Variants in HLCS observed in about 807,000 individuals in gnomAD.
HLCS encodes the protein biotin--protein ligase.
HLCS carries 53 observed loss-of-function variants against 75.0 expected under a neutral mutation model. The ratio of observed to expected loss-of-function variants is 0.71; its 90% CI spans 0.57 to 0.89. HLCS has a LOEUF of 0.89. Ranked by LOEUF, HLCS falls within the 40% of genes least tolerant of loss-of-function variation. The pLI is 0.00. For synonymous variants in HLCS, 431 were observed against 428.6 expected (o/e 1.01, Z -0.07); for missense variants, 966 against 1,074.0 (o/e 0.90, Z 1.41).
chr21:36,805,724 T>G (rs1287457445), intron 6 of HLCS, among the ~76,000 whole-genome samples: 1 of 152,190 alleles, frequency 6.6e-6, no homozygotes, highest in African/African-American at 2.4e-5. Context: ...ACTTTTACTA[T>G]GACTTAATTC....
chr21:36,981,112 G>A (rs1030176562), intron 1 of HLCS: 11 of 152,438 alleles, frequency 7.2e-5, no homozygotes, highest in African/African-American at 2.2e-4. Context: ...ATAACTGCTT[G>A]TAAAGGTTGT....
rs1201967242 is a variant in HLCS at position 36,819,445 on chromosome 21, C to T, written c.1893-52160G>A. Among the ~76,000 whole-genome samples, 3 of 152,208 alleles carry T rather than the reference C, an allele frequency of 2.0e-5. No individual in the cohort carries two copies. In the East Asian group the frequency reaches 5.8e-4, roughly 29 times the overall value. On this transcript the variant is annotated intron_variant, in intron 6 of 10. Transcript: ENST00000674895. ...ACACTGAAAAAATCTGAAAGTAATACTTCCTCTGACCTTTCGTTTTCACAT... is the reference window on the plus strand; with the variant it reads ...ACACTGAAAAAATCTGAAAGTAATATTTCCTCTGACCTTTCGTTTTCACAT...
Position 36,822,397 on chromosome 21 carries a change from C to T in HLCS, c.1893-55112G>A, listed in dbSNP as rs142296438. On this transcript the variant is annotated intron_variant, in intron 6 of 10. Coordinates refer to ENST00000674895, the MANE Select transcript of HLCS (RefSeq NM_001352514.2). ...ATTGCAGCACTGTGTGACGCAGTGA[C>T]GGAGCCTGGGTGACGGAGCAAGACT... Among the ~76,000 whole-genome samples, 22 of 151,894 alleles carry T rather than the reference C, an allele frequency of 1.4e-4. 1 individual carries two copies. In the East Asian group the frequency reaches 2.7e-3, roughly 19 times the overall value.
At position 36,866,419 on chromosome 21, in the gene HLCS, G is replaced by A. The variant is rs144134629; in HGVS notation, c.1892+30441C>T. 4.6e-5 allele frequency among the ~76,000 whole-genome samples: 7 copies of A among 152,314 alleles called. 1 individual carries two copies. In the East Asian group the frequency reaches 1.3e-3, roughly 29 times the overall value. The stretch of plus-strand genomic sequence containing the variant: ...TTGACGGTCATTACACTTTATGTGA[G>A]GTTAGTGTACAATGTGGCGTAAAAG... On this transcript the variant is annotated intron_variant, in intron 6 of 10. Transcript: ENST00000674895.
At chr21:36,889,646 C>A (rs1355230002) in intron 6 of HLCS, among the ~76,000 whole-genome samples, 2 of 152,160 alleles carry the variant, frequency 1.3e-5, no homozygotes, top group East Asian at 1.9e-4. Context: ...CCATCACCAC[C>A]AATAGCTCAC....
At chr21:36,964,486 A>G (rs1165711410) in intron 1 of HLCS, among the ~76,000 whole-genome samples, 6 of 152,226 alleles carry the variant, frequency 3.9e-5, no homozygotes, top group Non-Finnish European at 7.3e-5. Flanking sequence ...TCATTTCCTA[A>G]TAAGAAAAAG....
At chr21:36,893,476 C>T (rs2064877445) in intron 6 of HLCS, among the ~76,000 whole-genome samples, 1 of 152,184 alleles carries the variant, frequency 6.6e-6, no homozygotes, top group Admixed American at 6.5e-5. Context: ...GTGTTTGACA[C>T]TGTTCCAGTA....
upstream of HLCS, among the ~76,000 whole-genome samples, chr21:36,967,029 T>G (rs2068638387): frequency 1.3e-5 from 2 of 150,162 alleles, no homozygotes; most frequent in African/African-American, 4.9e-5. Flanking sequence ...GGGTATGTTG[T>G]GGATGCGGGG....
At chr21:36,915,954 C>A (rs926548612) in intron 5 of HLCS, among the ~76,000 whole-genome samples, 1 of 152,036 alleles carries the variant, frequency 6.6e-6, no homozygotes, top group Admixed American at 6.6e-5. Flanking sequence ...GGGGAAAAAC[C>A]AAAACACTTT....
At chr21:36,964,557 C>CA (rs1321162930) in intron 1 of HLCS, among the ~76,000 whole-genome samples, 2 of 152,182 alleles carry the variant, frequency 1.3e-5, no homozygotes, top group African/African-American at 4.8e-5. Context: ...ATGGCCATCC[C>CA]ATCTAGTCTG....
intron 2 of HLCS, among the ~76,000 whole-genome samples, chr21:36,944,775 A>G (rs1350143032): frequency 6.6e-6 from 1 of 152,134 alleles, no homozygotes; most frequent in African/African-American, 2.4e-5. Context: ...GGCTCTCCCC[A>G]AGACGTTCTT....
intron 5 of HLCS, among the ~76,000 whole-genome samples, chr21:36,920,406 T>C (rs1221976179): frequency 6.7e-6 from 1 of 150,362 alleles, no homozygotes; most frequent in Non-Finnish European, 1.5e-5. Context: ...GGTTAATGGA[T>C]GCAAAAAATA....
chr21:36,983,454 G>A (rs1316106419), intron 1 of HLCS, among the ~76,000 whole-genome samples: 3 of 151,590 alleles, frequency 2.0e-5, no homozygotes, highest in African/African-American at 4.8e-5. Flanking sequence ...CAAGTGACCC[G>A]CCCACCTCGA....
chr21:36,850,648 C>T (rs895963915), intron 6 of HLCS, among the ~76,000 whole-genome samples: 4 of 152,116 alleles, frequency 2.6e-5, no homozygotes, highest in Non-Finnish European at 4.4e-5. Context: ...TGTGGAATGG[C>T]GAAGGGAGAG....
At chr21:36,966,808 C>CGGCGGGAGG (rs1244230515), upstream of HLCS, among the ~76,000 whole-genome samples, 10 of 46,148 alleles carry the variant, frequency 2.2e-4, no homozygotes, top group African/African-American at 6.9e-4. Flanking sequence ...CTGGAGGCTG[C>CGGCGGGAGG]GGCGGGAGGG....
At chr21:36,858,563 G>C (rs764591777) in intron 6 of HLCS, among the ~76,000 whole-genome samples, 1 of 152,264 alleles carries the variant, frequency 6.6e-6, no homozygotes, top group Non-Finnish European at 1.5e-5. Context: ...GGATACAGCA[G>C]TGAGCAAAGT....
chr21:36,813,265 T>A (rs2061563990), intron 6 of HLCS, among the ~76,000 whole-genome samples: 1 of 152,166 alleles, frequency 6.6e-6, no homozygotes, highest in South Asian at 2.1e-4. Flanking sequence ...GCCAAACAAC[T>A]GGTGTTTTAA....
At chr21:36,773,176 T>C (rs2060260332) in intron 6 of HLCS, among the ~76,000 whole-genome samples, 1 of 152,222 alleles carries the variant, frequency 6.6e-6, no homozygotes, top group Non-Finnish European at 1.5e-5. Flanking sequence ...AAAAAAGATT[T>C]ATTTAAGCCC....
intron 5 of HLCS, among the ~76,000 whole-genome samples, chr21:36,924,221 C>G (rs559202512): frequency 1.3e-5 from 2 of 152,294 alleles, no homozygotes; most frequent in African/African-American, 4.8e-5. Context: ...TAAAAAATGG[C>G]AGGCAAAGAT....
Sources: allele counts gnomAD v4.1 joint callset (sites outside exome capture counted in the v4.1 genomes callset), GRCh38; gene constraint gnomAD v4.1.1; transcripts MANE v1.5; gene names NCBI Gene and HGNC (gene_info 2026-07-23, HGNC 2026-07-21).